KIAA1549: variants seen among roughly 807,000 people sequenced by gnomAD.
The protein encoded by KIAA1549 is KIAA1549, also known as UPF0606 protein KIAA1549.
KIAA1549 carries 70 observed loss-of-function variants against 156.4 expected under a neutral mutation model. The ratio of observed to expected loss-of-function variants is 0.45; its 90% CI spans 0.37 to 0.55. KIAA1549 has a LOEUF of 0.55. Ranked by LOEUF, KIAA1549 falls within the 20% of genes least tolerant of loss-of-function variation. The pLI is 0.00. For synonymous variants in KIAA1549, 1,103 were observed against 1,066.4 expected, an observed-to-expected ratio of 1.03 and a Z score of -0.67; for missense variants, 2,428 against 2,540.9, an observed-to-expected ratio of 0.96 and a Z score of 0.96.
chr7:138,837,181 A>AT lies in KIAA1549; in HGVS notation c.*724dup, dbSNP rs112222953. On this transcript the variant is annotated 3_prime_UTR_variant, in exon 20 of 20. Transcript: ENST00000422774. ...AGCTTTTTGCCCCACTTTGGGAGGG[A>AT]TTTTTTTTTTCTAGAACAAAATGAA... 0.031 allele frequency: 6,828 copies of AT among 217,618 alleles called. 386 individuals are homozygous for AT. The highest frequency in any genetic ancestry group is 0.13 in the African/African-American group (5,854 of 44,246). The allele number at this position is 217,618 out of a possible 1,614,324, so 13.5% of individuals were successfully genotyped here.
Position 138,858,011 on chromosome 7 carries a change from G to A in KIAA1549, c.5247+3128C>T, listed in dbSNP as rs925443571. Among the ~76,000 whole-genome samples, 5 of 152,130 alleles carry A rather than the reference G, an allele frequency of 3.3e-5. No homozygotes were observed. The East Asian group carries it at 7.7e-4, about 23-fold the overall frequency. ...ATTTAATGTGATTATTGATAAGGCT[G>A]GATTTAAGTCAACCATCTTGGTATC... On this transcript the variant is annotated intron_variant, in intron 16 of 19. Transcript: ENST00000422774.
intron 16 of KIAA1549, among the ~76,000 whole-genome samples, chr7:138,855,142 G>C (rs968401843): frequency 3.9e-5 from 6 of 152,180 alleles, no homozygotes; most frequent in African/African-American, 1.4e-4. Context: ...CCTGGAAGCA[G>C]AGAGAAGTAA....
intron 1 of KIAA1549, among the ~76,000 whole-genome samples, chr7:138,971,593 C>T (rs1814222531): frequency 6.6e-6 from 1 of 152,142 alleles, no homozygotes; most frequent in Admixed American, 6.5e-5. Context: ...ACCCTTCATG[C>T]CGCAGAAGCT....
In KIAA1549 at chr7:138,903,856, C is replaced by T. The variant is rs567423756; in HGVS notation, c.3521-120G>A. 3.7e-4 allele frequency: 181 copies of T among 493,860 alleles called. 3 individuals are homozygous for T. The highest frequency in any genetic ancestry group is 1.5e-3 in the Admixed American group (30 of 20,538). 30.6% of individuals were successfully genotyped at this position (493,860 alleles called of 1,614,324 possible). On this transcript the variant is annotated intron_variant, in intron 7 of 19. Coordinates refer to ENST00000422774, the MANE Select transcript of KIAA1549 (RefSeq NM_001164665.2). ...GTGTGTGTGTGTGTGTGTGTGTGCG[C>T]GCGCGCGCGCGCGCACATATGTATT... is the stretch of plus-strand genomic sequence containing the variant.
intron 1 of KIAA1549, among the ~76,000 whole-genome samples, chr7:138,969,328 C>T (rs1814146030): frequency 6.6e-6 from 1 of 152,212 alleles, no homozygotes; most frequent in Non-Finnish European, 1.5e-5. Flanking sequence ...CTTCTACTTC[C>T]TGTCTCCATG....
intron 2 of KIAA1549, among the ~76,000 whole-genome samples, chr7:138,913,234 C>T (rs917452378): frequency 2.0e-5 from 3 of 152,142 alleles, no homozygotes; most frequent in Admixed American, 2.0e-4. Context: ...ACATCTTCCT[C>T]TGTAAAATGA....
intron 1 of KIAA1549, among the ~76,000 whole-genome samples, chr7:138,949,094 T>G (rs1438423234): frequency 6.6e-6 from 1 of 152,216 alleles, no homozygotes. Context: ...TGCTTGTGTT[T>G]GCACTGTTAA....
At chr7:138,867,809 C>G (rs1810793721) in intron 15 of KIAA1549, among the ~76,000 whole-genome samples, 166 bp downstream of exon 15, 2 of 152,212 alleles carry the variant, frequency 1.3e-5, no homozygotes, top group African/African-American at 4.8e-5. Flanking sequence ...GCACCCCACC[C>G]CACCCACTTC....
At chr7:138,933,837 G>A (rs150575573) in intron 1 of KIAA1549, among the ~76,000 whole-genome samples, 1,796 of 152,264 alleles carry the variant, frequency 0.012, 34 homozygotes, top group African/African-American at 0.041. Context: ...ATGGCGGCAC[G>A]TGCCTGTAAT....
chr7:138,955,126 G>T (rs1295457228), intron 1 of KIAA1549, among the ~76,000 whole-genome samples: 3 of 152,194 alleles, frequency 2.0e-5, no homozygotes, highest in Non-Finnish European at 4.4e-5. Context: ...GGAAACTGAG[G>T]TGAGTCAAAC....
At chr7:138,922,894 A>G (rs904134779) in intron 1 of KIAA1549, among the ~76,000 whole-genome samples, 2 of 152,156 alleles carry the variant, frequency 1.3e-5, no homozygotes, top group African/African-American at 4.8e-5. Context: ...GAATTTGCCA[A>G]AATTAATATG....
At chr7:138,929,905 G>A (rs893978969) in intron 1 of KIAA1549, among the ~76,000 whole-genome samples, 14 of 152,120 alleles carry the variant, frequency 9.2e-5, no homozygotes, top group Non-Finnish European at 1.8e-4. Flanking sequence ...ATGTTGCCCA[G>A]GTTAGTCTCA....
chr7:138,840,021 A>C, intron 19 of KIAA1549, 112 bp downstream of exon 19: 1 of 906,370 alleles, frequency 1.1e-6, no homozygotes, highest in Non-Finnish European at 1.6e-6. Context: ...CAAACTCCTG[A>C]CTTCGTGATC....
chr7:138,853,465 C>G (rs1019065252), intron 16 of KIAA1549, among the ~76,000 whole-genome samples: 1 of 152,214 alleles, frequency 6.6e-6, no homozygotes, highest in Admixed American at 6.5e-5. Flanking sequence ...AAACAAGACA[C>G]TCTCCTGTGA....
intron 8 of KIAA1549, among the ~76,000 whole-genome samples, chr7:138,901,410 C>T (rs535884624): frequency 6.6e-6 from 1 of 151,602 alleles, no homozygotes; most frequent in Admixed American, 6.6e-5. Context: ...ACTGAAACCT[C>T]CACCTCCCGG....
intron 10 of KIAA1549, among the ~76,000 whole-genome samples, chr7:138,883,749 G>A (rs1402018736): frequency 2.6e-5 from 4 of 152,146 alleles, no homozygotes; most frequent in African/African-American, 7.2e-5. Flanking sequence ...AGCAATGGTC[G>A]TCCCAAGGGG....
chr7:138,891,594 C>T (rs922699576), intron 10 of KIAA1549, among the ~76,000 whole-genome samples: 1 of 152,226 alleles, frequency 6.6e-6, no homozygotes, highest in African/African-American at 2.4e-5. Context: ...AATTAATCTA[C>T]TCCCAGACAA....
chr7:138,883,371 G>A (rs1435629299), intron 10 of KIAA1549, among the ~76,000 whole-genome samples: 3 of 148,882 alleles, frequency 2.0e-5, no homozygotes, highest in Non-Finnish European at 4.4e-5. Flanking sequence ...GGAGTGCAGT[G>A]GTACAATCTC....
intron 16 of KIAA1549, among the ~76,000 whole-genome samples, chr7:138,858,347 C>T (rs768555863): frequency 6.6e-6 from 1 of 152,192 alleles, no homozygotes; most frequent in Non-Finnish European, 1.5e-5. Context: ...CCTCCTGCCT[C>T]AGCCTCCCAA....
Sources: gnomAD v4.1 joint callset for allele counts (sites outside exome capture counted in the v4.1 genomes callset) on GRCh38, gnomAD v4.1.1 for gene constraint, MANE v1.5 for transcripts, NCBI Gene and HGNC (gene_info 2026-07-23, HGNC 2026-07-21) for gene names.